PSMC3IP: variants seen among roughly 807,000 people sequenced by gnomAD.
PSMC3IP encodes the protein PSMC3 interacting protein, also known as homologous-pairing protein 2 homolog.
PSMC3IP carries 26 observed loss-of-function variants against 34.9 expected under a neutral mutation model. That is an observed-to-expected ratio of 0.74 (90% CI 0.55 to 1.03). PSMC3IP has a LOEUF of 1.03. PSMC3IP is among the 50% of genes least tolerant of loss of function. PSMC3IP has a pLI of 0.00. For missense variants in PSMC3IP, 250 were observed against 263.1 expected (o/e 0.95, Z 0.34); for synonymous variants, 87 against 96.5 (o/e 0.90, Z 0.57).
chr17:42,573,123 C>T lies in PSMC3IP; in HGVS notation c.581G>A (p.Ser194Asn), dbSNP rs1341782446. Residue 194 changes from serine to asparagine, a missense_variant, in exon 7 of 8, where the codon AGC becomes AAC. Ser to Asn is a conservative substitution (Grantham distance 46, BLOSUM62 1). Transcript: ENST00000393795. ...SDAILEGYPKSKKQFFEEVGI... is the reference protein window; with the variant it reads ...SDAILEGYPKNKKQFFEEVGI... ...TCCACTTACAAAGAACTGCTTCTTG[C>T]TCTTGGGGTATCCTTCAAGTATTGC... 2 of 1,614,246 alleles carry T rather than the reference C, an allele frequency of 1.2e-6. No homozygotes were observed. Among genetic ancestry groups the T allele is most frequent in the Non-Finnish European group, 8.5e-7 (1 of 1,180,034 alleles).
Position 42,573,507 on chromosome 17 carries a change from T to C in PSMC3IP, c.454A>G (p.Asn152Asp), listed in dbSNP as rs774029612. 6.2e-7 allele frequency: 1 copy of C among 1,614,232 alleles called. No individual in the cohort carries two copies. The highest frequency in any genetic ancestry group is 2.2e-5 in the East Asian group (1 of 44,892). ...ERLKNIKAAT[N>D]HVTPEEKEQV... Reference sequence around the variant, plus strand: ...TCTTTCTCTTCTGGAGTCACATGATTGGTAGCTGCTTTAATGTTCTTCAAT... The same window carrying C: ...TCTTTCTCTTCTGGAGTCACATGATCGGTAGCTGCTTTAATGTTCTTCAAT... Residue 152 changes from asparagine (N) to aspartate (D), a missense_variant, in exon 5 of 8, where the codon AAT (asparagine) becomes GAT (aspartate). Physicochemically the swap from Asn to Asp is conservative, Grantham distance 23. Transcript: ENST00000393795.
intron 7 of PSMC3IP, 37 bp downstream of exon 7, chr17:42,573,070 C>A: frequency 1.2e-6 from 2 of 1,614,188 alleles, no homozygotes; most frequent in Non-Finnish European, 1.7e-6. Context: ...CAGGATAAGA[C>A]CACAGGGAAG....
In PSMC3IP at chr17:42,573,477, CCTG is replaced by C; in HGVS notation, c.481_483del (p.Gln161del). 1 of 1,614,268 alleles carries C rather than the reference CCTG, an allele frequency of 6.2e-7. No homozygotes were observed. Among genetic ancestry groups the C allele is most frequent in the Non-Finnish European group, 8.5e-7 (1 of 1,180,054 alleles). On this transcript the variant is annotated inframe_deletion and splice_region_variant, in exon 5 of 8. Transcript: ENST00000393795. The stretch of plus-strand genomic sequence containing the variant: ...AGCGGTCCTACAGCCTTCCAGCTCA[CCTG>C]CTCTTTCTCTTCTGGAGTCACATGA...
Position 42,577,311 on chromosome 17 carries a change from GGAGA to G in PSMC3IP, c.136-13_136-10del. 2.5e-6 allele frequency: 4 copies of G among 1,613,638 alleles called. No homozygotes were observed. Among genetic ancestry groups the G allele is most frequent in the Non-Finnish European group, 3.4e-6 (4 of 1,179,674 alleles). ...AGCGTCTTCACCACCACCTGGCAGA[GGAGA>G]GAGAAGGAGCAATCAGAGGAGTCTG... On this transcript the variant is annotated splice_polypyrimidine_tract_variant and intron_variant, in intron 2 of 7. Transcript: ENST00000393795.
Position 42,577,491 on chromosome 17 carries a change from G to A in PSMC3IP, c.105C>T (p.Asn35=). ...RPYSSQDVFG[N]LQREHGLGKA... ...TGCCCAGTCCGTGTTCCCGCTGTAGGTTCCCGAACACATCCTGGGAGCTGT... is the reference window on the plus strand; with the variant it reads ...TGCCCAGTCCGTGTTCCCGCTGTAGATTCCCGAACACATCCTGGGAGCTGT... Residue 35 remains asparagine (N), a synonymous_variant, in exon 2 of 8, where the codon AAC becomes AAT. Coordinates refer to ENST00000393795, the MANE Select transcript of PSMC3IP (RefSeq NM_016556.4). The A allele has an allele frequency of 6.2e-7, 1 of 1,614,136 alleles. No individual in the cohort carries two copies. Among genetic ancestry groups the A allele is most frequent in the Non-Finnish European group, 8.5e-7 (1 of 1,180,010 alleles).
chr17:42,574,095 C>T lies in PSMC3IP; in HGVS notation c.337+4G>A, dbSNP rs763443366. 2.5e-6 allele frequency: 4 copies of T among 1,614,036 alleles called. No homozygotes were observed. On this transcript the variant is annotated splice_donor_region_variant and intron_variant, in intron 4 of 7. Transcript: ENST00000393795. ...GGCACTTTGGAGGGGCTACCCAGTC[C>T]TACCAGCCTCCATGTAGCGGCAGCT...
rs1023662551 is a variant in PSMC3IP, at chr17:42,572,311, A to G, written c.*657T>C. The G allele has an allele frequency of 1.3e-5, 6 of 452,724 alleles. No individual in the cohort carries two copies. The highest frequency in any genetic ancestry group is 1.2e-4 in the African/African-American group (6 of 49,916). The allele number at this position is 452,724 out of a possible 1,614,324, so 28.0% of individuals were successfully genotyped here. ...GCAGAGGCAGGTATAACACAGCACT[A>G]CATATTGGAAATTTTTTATTTTTCT... On this transcript the variant is annotated 3_prime_UTR_variant, in exon 8 of 8. Transcript: ENST00000393795.
Position 42,577,513 on chromosome 17 carries a change from C to G in PSMC3IP, c.83G>C (p.Ser28Thr). The change falls in exon 2 of 8, where the codon AGC becomes ACC. Residue 28 changes from serine (S) to threonine (T), a missense_variant. Physicochemically the swap from Ser to Thr is moderately conservative, Grantham distance 58. Coordinates refer to ENST00000393795, the MANE Select transcript of PSMC3IP (RefSeq NM_016556.4). Reference protein sequence around the residue: ...RYLQEQNRPYSSQDVFGNLQR... With the variant: ...RYLQEQNRPYTSQDVFGNLQR... ...TAGGTTCCCGAACACATCCTGGGAG[C>G]TGTAGGGCCGGTTCTGCTCCTGCAG... is the stretch of plus-strand genomic sequence containing the variant. 1 of 1,614,182 alleles carries G rather than the reference C, an allele frequency of 6.2e-7. No individual in the cohort carries two copies. Among genetic ancestry groups the G allele is most frequent in the Non-Finnish European group, 8.5e-7 (1 of 1,180,022 alleles).
Position 42,577,628 on chromosome 17 carries a change from T to C in PSMC3IP, c.34+25A>G. 3 of 1,614,178 alleles carry C rather than the reference T, an allele frequency of 1.9e-6. No homozygotes were observed. In the East Asian group the frequency reaches 6.7e-5, roughly 36 times the overall value. On this transcript the variant is annotated intron_variant, in intron 1 of 7. Coordinates refer to ENST00000393795, the MANE Select transcript of PSMC3IP (RefSeq NM_016556.4). ...TCCTCACCCACTGCCCTCCCGGGTC[T>C]TCCCCGCGCCCACGGCGCCGTTACC...
intron 4 of PSMC3IP, 140 bp downstream of exon 4, chr17:42,573,958 CT>C (rs973852880): frequency 6.5e-7 from 1 of 1,538,266 alleles, no homozygotes; most frequent in Non-Finnish European, 8.7e-7. Flanking sequence ...TCCTACATTT[CT>C]TTTTATGCCT....
rs187151302 is a variant in PSMC3IP, at chr17:42,572,384, G to A, written c.*584C>T. On this transcript the variant is annotated 3_prime_UTR_variant, in exon 8 of 8. Transcript: ENST00000393795. ...CGGTTACAATTTTGAAATATTAACT[G>A]AGCCTCAAAATCACCCTTTCTGTCA... 57 of 454,564 alleles carry A rather than the reference G, an allele frequency of 1.3e-4. No individual in the cohort carries two copies. Among genetic ancestry groups the A allele is most frequent in the African/African-American group, 9.2e-4 (46 of 50,092 alleles). 28.2% of individuals were successfully genotyped at this position (454,564 alleles called of 1,614,324 possible).
At chr17:42,576,345 A>G (rs2093075492) in intron 3 of PSMC3IP, among the ~76,000 whole-genome samples, 1 of 152,242 alleles carries the variant, frequency 6.6e-6, no homozygotes, top group African/African-American at 2.4e-5. Flanking sequence ...TAAATAGGGA[A>G]GGTGCATGAC....
rs955288471 is a variant in PSMC3IP at position 42,573,923 on chromosome 17, G to A, written c.337+176C>T. The A allele has an allele frequency of 2.0e-6, 3 of 1,532,900 alleles. No homozygotes were observed. In the African/African-American group the frequency reaches 4.1e-5, roughly 21 times the overall value. The allele number at this position is 1,532,900 out of a possible 1,614,324, so 95.0% of individuals were successfully genotyped here. On this transcript the variant is annotated intron_variant, in intron 4 of 7. Transcript: ENST00000393795. ...GAACAAATGCGTATCTTGTCCATTT[G>A]TTGGTACACAAAAGCCGTTAGTTAT...
At chr17:42,573,658 CCT>C (rs779613660) in intron 4 of PSMC3IP, 35 bp from the exon 5 acceptor site, 13 of 1,611,116 alleles carry the variant, frequency 8.1e-6, no homozygotes, top group East Asian at 6.7e-5. Context: ...ACTTGCTACC[CCT>C]GAGGAAGGAG....
At chr17:42,576,895 G>C (rs1442048447) in intron 3 of PSMC3IP, 4 of 396,408 alleles carry the variant, frequency 1.0e-5, no homozygotes, top group Non-Finnish European at 1.9e-5. Context: ...TGTGTGTTTA[G>C]AGAATCGGAT....
chr17:42,572,402 TTC>T lies in PSMC3IP; in HGVS notation c.*564_*565del, dbSNP rs1199809697. 1 of 454,662 alleles carries T rather than the reference TTC, an allele frequency of 2.2e-6. No individual in the cohort carries two copies. Among genetic ancestry groups the T allele is most frequent in the Admixed American group, 2.3e-5 (1 of 42,572 alleles). 28.2% of individuals were successfully genotyped at this position (454,662 alleles called of 1,614,324 possible). Reference sequence around the variant, plus strand: ...ATTAACTGAGCCTCAAAATCACCCTTTCTGTCAAGCATATCTTGGCCTCTCCC... The same window carrying T: ...ATTAACTGAGCCTCAAAATCACCCTTTGTCAAGCATATCTTGGCCTCTCCC... On this transcript the variant is annotated 3_prime_UTR_variant, in exon 8 of 8. Coordinates refer to ENST00000393795, the MANE Select transcript of PSMC3IP (RefSeq NM_016556.4).
intron 2 of PSMC3IP, 28 bp from the exon 3 acceptor site, chr17:42,577,330 AGAG>A: frequency 6.2e-7 from 1 of 1,612,604 alleles, no homozygotes; most frequent in South Asian, 1.1e-5. Context: ...AGGAGCAATC[AGAG>A]GAGTCTGAGC....
At position 42,572,969 on chromosome 17, in the gene PSMC3IP, C is replaced by T. The variant is rs1017187703; in HGVS notation, c.653G>A (p.Ter218=). Reference sequence around the variant, plus strand: ...CCACCAGTCCTGACCGTGGGCCCCTCAGGGGTCTGGGAGTGTGACGTTGTA... The same window carrying T: ...CCACCAGTCCTGACCGTGGGCCCCTTAGGGGTCTGGGAGTGTGACGTTGTA... ...EDYNVTLPDP[*] Residue 218 remains the stop codon, a stop_retained_variant, in exon 8 of 8, where the codon TGA becomes TAA. Coordinates refer to ENST00000393795, the MANE Select transcript of PSMC3IP (RefSeq NM_016556.4). 6.2e-7 allele frequency: 1 copy of T among 1,614,032 alleles called. No individual in the cohort carries two copies. Among genetic ancestry groups the T allele is most frequent in the Non-Finnish European group, 8.5e-7 (1 of 1,180,018 alleles).
intron 3 of PSMC3IP, 193 bp downstream of exon 3, chr17:42,577,020 C>T: frequency 7.5e-7 from 1 of 1,332,078 alleles, no homozygotes; most frequent in Non-Finnish European, 1.0e-6. Flanking sequence ...TTCTGTCATC[C>T]ATCATATTGT....
Sources: gnomAD v4.1 joint callset for allele counts (sites outside exome capture counted in the v4.1 genomes callset) on GRCh38, gnomAD v4.1.1 for gene constraint, MANE v1.5 for transcripts, NCBI Gene and HGNC (gene_info 2026-07-23, HGNC 2026-07-21) for gene names.